BCAS3: variants seen among roughly 807,000 people sequenced by gnomAD.
The protein encoded by BCAS3 is BCAS4/BCAS3 fusion.
In BCAS3, 53 loss-of-function variants were observed where a neutral mutation model predicts 116.1. The observed-to-expected ratio is 0.46, with a 90% CI of 0.37 to 0.57. The LOEUF is 0.57. Among genes scored for constraint, BCAS3 ranks in the 20% least tolerant of loss-of-function variants. BCAS3 has a pLI of 0.00. For synonymous variants in BCAS3, 391 were observed against 408.2 expected (o/e 0.96, Z 0.51); for missense variants, 917 against 1,165.4 (o/e 0.79, Z 3.10).
At chr17:60,755,700 G>A (rs1395030168) in intron 6 of BCAS3, among the ~76,000 whole-genome samples, 2 of 152,068 alleles carry the variant, frequency 1.3e-5, no homozygotes, top group African/African-American at 4.8e-5. Flanking sequence ...TTTTCAATAT[G>A]CTTTTCAATA....
rs1362750826 is a variant in BCAS3 at position 61,013,247 on chromosome 17, C to T, written c.1487-2504C>T. Among the ~76,000 whole-genome samples the T allele has an allele frequency of 1.3e-5, 2 of 152,016 alleles. No individual in the cohort carries two copies. The highest frequency in any genetic ancestry group is 2.4e-5 in the African/African-American group (1 of 41,402). ...TGTTAGACTGTAAGCTTCATGATAA[C>T]AAGGAAAACAGTCCCTTACAGTGTT... On this transcript the variant is annotated intron_variant, in intron 15 of 23. Coordinates refer to ENST00000407086, the MANE Select transcript of BCAS3 (RefSeq NM_017679.5). The surrounding 1 kb of genome is among the most constrained non-coding windows in gnomAD (Gnocchi z 4.4).
Position 61,291,912 on chromosome 17 carries a change from G to T in BCAS3, c.2426-76415G>T, listed in dbSNP as rs567907312. On this transcript the variant is annotated intron_variant, in intron 22 of 23. Transcript: ENST00000407086. Reference sequence around the variant, plus strand: ...GGTCCACTGTGATAGAAAATATAAGGCATGTAGGGTGAGGAGGAAGAGGGT... The same window carrying T: ...GGTCCACTGTGATAGAAAATATAAGTCATGTAGGGTGAGGAGGAAGAGGGT... 1.2e-4 allele frequency among the ~76,000 whole-genome samples: 18 copies of T among 152,264 alleles called. 1 individual carries two copies. The highest frequency in any genetic ancestry group is 4.3e-4 in the African/African-American group (18 of 41,546).
chr17:61,191,784 A>AGAAAG (rs1365570083), intron 22 of BCAS3, among the ~76,000 whole-genome samples: 10 of 141,484 alleles, frequency 7.1e-5, no homozygotes, highest in African/African-American at 1.8e-4. Flanking sequence ...CAAAAAAAAA[A>AGAAAG]GAAAAGAAAA....
chr17:61,223,124 C>T (rs942219317), intron 22 of BCAS3, among the ~76,000 whole-genome samples: 28 of 138,886 alleles, frequency 2.0e-4, no homozygotes, highest in Admixed American at 5.7e-4. Flanking sequence ...ATTAATTTTA[C>T]TTTCAATATG....
At chr17:61,317,279 G>A (rs1176986175) in intron 22 of BCAS3, among the ~76,000 whole-genome samples, 1 of 152,132 alleles carries the variant, frequency 6.6e-6, no homozygotes, top group Non-Finnish European at 1.5e-5. Flanking sequence ...CCAGAGAGAG[G>A]GGACTCCTCC....
intron 6 of BCAS3, among the ~76,000 whole-genome samples, chr17:60,765,679 T>G (rs1478383012): frequency 6.6e-6 from 1 of 152,182 alleles, no homozygotes; most frequent in East Asian, 1.9e-4. Context: ...TTGGGGTTGC[T>G]CTTCTTGAGG....
chr17:61,283,091 T>C (rs1379197162), intron 22 of BCAS3, among the ~76,000 whole-genome samples: 2 of 152,180 alleles, frequency 1.3e-5, no homozygotes, highest in Non-Finnish European at 2.9e-5. Flanking sequence ...TTTTTTTTGC[T>C]CCACGTTGCT....
At chr17:61,370,310 C>T (rs1242540016) in intron 23 of BCAS3, among the ~76,000 whole-genome samples, 4 of 151,474 alleles carry the variant, frequency 2.6e-5, no homozygotes, top group Non-Finnish European at 4.4e-5. Context: ...TTGTCCTCCC[C>T]AAACTGTCAC....
chr17:60,772,877 A>T (rs1038205189), intron 6 of BCAS3, among the ~76,000 whole-genome samples: 2 of 152,280 alleles, frequency 1.3e-5, no homozygotes, highest in South Asian at 4.2e-4. Context: ...AGTCTCAGAA[A>T]AAAAAAGGGG....
At chr17:60,779,479 C>T (rs528096334) in intron 6 of BCAS3, among the ~76,000 whole-genome samples, 105 of 151,606 alleles carry the variant, frequency 6.9e-4, no homozygotes, top group African/African-American at 2.5e-3. Flanking sequence ...AAGCGATTCT[C>T]CTGCCTCAGC....
chr17:60,795,838 C>T (rs1381768525), intron 6 of BCAS3, among the ~76,000 whole-genome samples: 13 of 151,912 alleles, frequency 8.6e-5, no homozygotes, highest in Non-Finnish European at 1.6e-4. Context: ...TACAGGCATG[C>T]GCCACCACAC....
At chr17:61,093,406 G>A (rs1383978458) in intron 22 of BCAS3, among the ~76,000 whole-genome samples, 1 of 152,086 alleles carries the variant, frequency 6.6e-6, no homozygotes, top group Admixed American at 6.6e-5. Context: ...GGGCAACACA[G>A]CAAAACTCTG....
rs1286051281 is a variant in BCAS3, at chr17:61,222,685, G to A, written c.2425+138121G>A. Reference sequence around the variant, plus strand: ...CGTGGTATATGGGTTTTTTTTGTTTGTTTGTTTAATTTTCATTCAGCAACC... The same window carrying A: ...CGTGGTATATGGGTTTTTTTTGTTTATTTGTTTAATTTTCATTCAGCAACC... On this transcript the variant is annotated intron_variant, in intron 22 of 23. Transcript: ENST00000407086. The surrounding 1 kb of genome is among the most constrained non-coding windows in gnomAD (Gnocchi z 6.1). Among the ~76,000 whole-genome samples the A allele has an allele frequency of 2.6e-5, 4 of 151,972 alleles. No individual in the cohort carries two copies. The highest frequency in any genetic ancestry group is 4.4e-5 in the Non-Finnish European group (3 of 67,962).
intron 18 of BCAS3, among the ~76,000 whole-genome samples, chr17:61,038,419 A>T (rs938366830): frequency 2.0e-5 from 3 of 151,226 alleles, no homozygotes; most frequent in Admixed American, 6.6e-5. Flanking sequence ...CACCTAGCTA[A>T]TTTTTTTGTA....
chr17:60,926,438 AT>A (rs1599735040), intron 13 of BCAS3, among the ~76,000 whole-genome samples: 1 of 152,204 alleles, frequency 6.6e-6, no homozygotes, highest in East Asian at 1.9e-4. Context: ...TAGAGATATT[AT>A]TTTATAAAGC....
intron 22 of BCAS3, among the ~76,000 whole-genome samples, chr17:61,310,198 A>C (rs2054188083): frequency 6.6e-6 from 1 of 152,116 alleles, no homozygotes; most frequent in Admixed American, 6.5e-5. Flanking sequence ...TATGCGTATG[A>C]GCTTTCATCT....
At chr17:61,175,753 C>T (rs991875136) in intron 22 of BCAS3, among the ~76,000 whole-genome samples, 6 of 152,028 alleles carry the variant, frequency 3.9e-5, no homozygotes, top group African/African-American at 1.4e-4. Context: ...TTCCGCTCAC[C>T]CAACTGATAA....
At chr17:61,240,924 A>G (rs2144500578) in intron 22 of BCAS3, among the ~76,000 whole-genome samples, 1 of 152,346 alleles carries the variant, frequency 6.6e-6, no homozygotes, top group African/African-American at 2.4e-5. Context: ...ATTTGATGAA[A>G]TCAAAGACAA....
At chr17:61,110,182 C>CT (rs1277472038) in intron 22 of BCAS3, among the ~76,000 whole-genome samples, 1 of 152,208 alleles carries the variant, frequency 6.6e-6, no homozygotes, top group Non-Finnish European at 1.5e-5. Context: ...GCCAATTATC[C>CT]TAGCACCATT....
Sources: gnomAD v4.1 joint callset for allele counts (sites outside exome capture counted in the v4.1 genomes callset) on GRCh38, gnomAD v4.1.1 for gene constraint, Gnocchi (gnomAD v3.1) non-coding constraint, MANE v1.5 for transcripts, NCBI Gene and HGNC (gene_info 2026-07-23, HGNC 2026-07-21) for gene names.